RUBCN: variants seen among roughly 807,000 people sequenced by gnomAD.
RUBCN encodes the protein run domain Beclin-1-interacting and cysteine-rich domain-containing protein.
A neutral mutation model predicts 113.2 loss-of-function variants in RUBCN; 74 were observed. That is an observed-to-expected ratio of 0.65 (90% confidence interval 0.54 to 0.79). RUBCN has a LOEUF of 0.79. RUBCN is among the 30% of genes least tolerant of loss of function. The pLI is 0.00. For missense variants in RUBCN, 1,109 were observed against 1,251.7 expected (o/e 0.89, Z 1.72); for synonymous variants, 480 against 490.0 (o/e 0.98, Z 0.27).
Position 197,736,650 on chromosome 3 carries a change from C to G in RUBCN, c.65+5G>C, listed in dbSNP as rs778572607. ...GCCCCGACTCCGCGGCGGCTCCCAG[C>G]CCACCTGCTCTCCTCAGGCAGGCGC... On this transcript the variant is annotated splice_donor_5th_base_variant and intron_variant, in intron 1 of 19. Transcript: ENST00000296343. 28 of 1,532,634 alleles carry G rather than the reference C, an allele frequency of 1.8e-5. No homozygotes were observed. Among genetic ancestry groups the G allele is most frequent in the Non-Finnish European group, 6.1e-6 (7 of 1,146,174 alleles). The allele number at this position is 1,532,634 out of a possible 1,614,324, so 94.9% of individuals were successfully genotyped here.
chr3:197,695,076 G>A (rs1297776553), intron 9 of RUBCN, among the ~76,000 whole-genome samples: 3 of 152,134 alleles, frequency 2.0e-5, no homozygotes, highest in East Asian at 3.9e-4. Flanking sequence ...CAGACGCAGC[G>A]GCTCACACCT....
At chr3:197,725,357 G>A (rs576674783) in intron 1 of RUBCN, among the ~76,000 whole-genome samples, 140 of 151,910 alleles carry the variant, frequency 9.2e-4, no homozygotes, top group African/African-American at 3.2e-3. Context: ...TGCAGGCTGT[G>A]TAGTTGAATG....
intron 8 of RUBCN, among the ~76,000 whole-genome samples, chr3:197,696,372 C>CA (rs990625896): frequency 0.013 from 1,599 of 122,944 alleles, 12 homozygotes; most frequent in South Asian, 0.038. Flanking sequence ...AACTCTGTCT[C>CA]AAAAAAAAAA....
chr3:197,748,681 G>A (rs987414442), intron 1 of RUBCN, among the ~76,000 whole-genome samples: 3 of 152,278 alleles, frequency 2.0e-5, no homozygotes, highest in East Asian at 1.9e-4. Flanking sequence ...TAAGGTGACC[G>A]CAAAATTGTC....
intron 1 of RUBCN, among the ~76,000 whole-genome samples, chr3:197,733,033 G>T (rs1727700615): frequency 6.6e-6 from 1 of 152,192 alleles, no homozygotes; most frequent in Non-Finnish European, 1.5e-5. Context: ...ACTCAGGCAG[G>T]TTACGTAAAG....
chr3:197,676,773 G>C (rs540456171), intron 18 of RUBCN, 112 bp downstream of exon 18: 128 of 1,588,778 alleles, frequency 8.1e-5, no homozygotes, highest in Admixed American at 1.0e-4. Context: ...TCCCAGTGCT[G>C]ACTGGCCATT....
chr3:197,732,886 G>A (rs1438663159), intron 1 of RUBCN, among the ~76,000 whole-genome samples: 2 of 152,052 alleles, frequency 1.3e-5, no homozygotes, highest in East Asian at 3.9e-4. Context: ...GGAGACCCTC[G>A]CCTTATTTCA....
At chr3:197,714,031 A>T (rs535200933) in intron 2 of RUBCN, among the ~76,000 whole-genome samples, 6 of 152,128 alleles carry the variant, frequency 3.9e-5, no homozygotes, top group Non-Finnish European at 8.8e-5. Flanking sequence ...AGCTGAGATC[A>T]CGCCACTGCA....
chr3:197,677,131 ATGAGG>A, intron 17 of RUBCN, 93 bp from the exon 18 acceptor site: 1 of 1,370,562 alleles, frequency 7.3e-7, no homozygotes, highest in South Asian at 1.2e-5. Flanking sequence ...GCAGAAAGTA[ATGAGG>A]GTGGGCACCC....
rs138512340 is a variant in RUBCN at position 197,714,538 on chromosome 3, G to T, written c.219+3439C>A. Among the ~76,000 whole-genome samples the T allele has an allele frequency of 3.9e-3, 591 of 152,234 alleles. 7 individuals carry two copies. Among genetic ancestry groups the T allele is most frequent in the African/African-American group, 0.014 (563 of 41,528 alleles). On this transcript the variant is annotated intron_variant, in intron 2 of 19. Coordinates refer to ENST00000296343, the MANE Select transcript of RUBCN (RefSeq NM_014687.4). ...GGATCTTGCTGTGTTGCCCAGGCTGGTCTTGTATTCCTGGCCTCAAATTTC... is the reference window on the plus strand; with the variant it reads ...GGATCTTGCTGTGTTGCCCAGGCTGTTCTTGTATTCCTGGCCTCAAATTTC...
Position 197,669,606 on chromosome 3 carries a change from TG to T in RUBCN, c.*5411del, listed in dbSNP as rs1275008232. Among the ~76,000 whole-genome samples the T allele has an allele frequency of 1.3e-5, 2 of 152,212 alleles. No individual in the cohort carries two copies. The highest frequency in any genetic ancestry group is 2.9e-5 in the Non-Finnish European group (2 of 68,032). On this transcript the variant is annotated 3_prime_UTR_variant, in exon 20 of 20. Coordinates refer to ENST00000296343, the MANE Select transcript of RUBCN (RefSeq NM_014687.4). ...AACGTTGATTACTTGGTTAAGGTCG[TG>T]TTAGCTCTCTCTACTCTAAAGTTGC...
chr3:197,685,158 C>CCAGAGACCT (rs764200385), intron 11 of RUBCN, among the ~76,000 whole-genome samples: 4 of 152,206 alleles, frequency 2.6e-5, no homozygotes, highest in African/African-American at 9.7e-5. Context: ...TGCTGAACCT[C>CCAGAGACCT]CAGAGACCTC....
Position 197,701,824 on chromosome 3 carries a change from C to T in RUBCN, c.611G>A (p.Ser204Asn). ...KHESPLLVTK[S>N]QSLTALPSST... ...ACTGGGCAGGGCTGTCAGGCTCTGG[C>T]TCTTTGTCACCAGGAGCGGGCTCTC... The change falls in exon 6 of 20, where the codon AGC becomes AAC. Residue 204 changes from serine to asparagine, a missense_variant. By Grantham distance (46) the Ser-to-Asn change is conservative. Transcript: ENST00000296343. The T allele has an allele frequency of 6.2e-7, 1 of 1,614,182 alleles. No individual in the cohort carries two copies. The highest frequency in any genetic ancestry group is 8.5e-7 in the Non-Finnish European group (1 of 1,180,038).
chr3:197,689,499 TGGCTGACACTCAACACATG>T (rs1722194464), intron 11 of RUBCN, among the ~76,000 whole-genome samples: 1 of 152,086 alleles, frequency 6.6e-6, no homozygotes, highest in African/African-American at 2.4e-5. Context: ...GAGGGAGAAG[TGGCTGACACTCAACACATG>T]CCCCCACAGA....
intron 3 of RUBCN, 127 bp from the exon 4 acceptor site, chr3:197,704,828 C>T: frequency 1.8e-6 from 2 of 1,098,144 alleles, no homozygotes; most frequent in Non-Finnish European, 2.7e-6. Context: ...ACCCTGGGTC[C>T]CATGTAGGCA....
chr3:197,723,174 T>C (rs547752043), intron 1 of RUBCN, among the ~76,000 whole-genome samples: 4 of 152,270 alleles, frequency 2.6e-5, no homozygotes, highest in African/African-American at 4.8e-5. Context: ...GTTATTTTAT[T>C]TATTTTTAAT....
At chr3:197,703,501 G>A (rs1723933744) in intron 5 of RUBCN, 47 bp downstream of exon 5, 1 of 1,297,744 alleles carries the variant, frequency 7.7e-7, no homozygotes. Context: ...ATCCTGCTGA[G>A]CTCCAGGGAC....
chr3:197,728,206 G>A (rs1726976883), intron 1 of RUBCN, among the ~76,000 whole-genome samples: 1 of 152,256 alleles, frequency 6.6e-6, no homozygotes, highest in Non-Finnish European at 1.5e-5. Context: ...TTCAAGTCTA[G>A]CCTGGGCAAC....
At chr3:197,746,076 C>T (rs1348538934) in intron 1 of RUBCN, among the ~76,000 whole-genome samples, 1 of 152,030 alleles carries the variant, frequency 6.6e-6, no homozygotes, top group African/African-American at 2.4e-5. Flanking sequence ...AGAAGGTTGC[C>T]AGATTTAGCA....
Sources: allele counts gnomAD v4.1 joint callset (sites outside exome capture counted in the v4.1 genomes callset), GRCh38; gene constraint gnomAD v4.1.1; transcripts MANE v1.5; gene names NCBI Gene and HGNC (gene_info 2026-07-23, HGNC 2026-07-21).